Variants in ETV6 observed in about 807,000 individuals in gnomAD.
The protein encoded by ETV6 is ETS variant transcription factor 6, also known as transcription factor ETV6.
ETV6 carries 16 observed loss-of-function variants against 51.1 expected under a neutral mutation model. That is an observed-to-expected ratio of 0.31 (90% CI 0.21 to 0.48). The LOEUF (loss-of-function observed/expected upper bound fraction) is 0.48, where lower values mean the gene tolerates loss of function less well. Ranked by LOEUF, ETV6 falls within the 20% of genes least tolerant of loss-of-function variation. The probability of loss-of-function intolerance (pLI) is 0.99; values close to 1 mark genes in which losing one functional copy is unlikely to be tolerated. For synonymous variants in ETV6, 240 were observed against 224.1 expected, an observed-to-expected ratio of 1.07 and a Z score of -0.64; for missense variants, 458 against 594.8, an observed-to-expected ratio of 0.77 and a Z score of 2.39.
In ETV6 at chr12:11,890,979, C is replaced by CAG. The variant is rs773713701; in HGVS notation, c.1294_1295dup (p.Asp432GlufsTer7). ...CCAGATGAAATCATGAGTGGCCGAA[C>CAG]AGACCGTCTGGAGCACCTAGAGTCC... On this transcript the variant is annotated frameshift_variant, in exon 8 of 8. Coordinates refer to ENST00000396373, the MANE Select transcript of ETV6 (RefSeq NM_001987.5). LOFTEE classifies it high-confidence loss of function. 1 of 1,613,904 alleles carries CAG rather than the reference C, an allele frequency of 6.2e-7. No individual in the cohort carries two copies. The highest frequency in any genetic ancestry group is 1.3e-5 in the African/African-American group (1 of 75,018).
rs112328917 is a variant in ETV6 at position 11,882,496 on chromosome 12, C to T, written c.1010-1949C>T. Among the ~76,000 whole-genome samples, 416 of 152,314 alleles carry T rather than the reference C, an allele frequency of 2.7e-3. 5 individuals are homozygous for T. Among genetic ancestry groups the T allele is most frequent in the African/African-American group, 9.4e-3 (390 of 41,568 alleles). On this transcript the variant is annotated intron_variant, in intron 5 of 7. Transcript: ENST00000396373. ...AATCATCAAACCCTCTCAGCCCCAG[C>T]TTCCTGATCTATAAAATAGGAATAG...
intron 1 of ETV6, among the ~76,000 whole-genome samples, chr12:11,679,665 C>G (rs567978011): frequency 9.5e-4 from 145 of 152,320 alleles, no homozygotes; most frequent in African/African-American, 3.1e-3. Context: ...TCTTGTCACT[C>G]TCTTCTCTCC....
intron 1 of ETV6, among the ~76,000 whole-genome samples, chr12:11,662,539 T>C (rs1224820650): frequency 6.6e-6 from 1 of 152,232 alleles, no homozygotes; most frequent in African/African-American, 2.4e-5. Flanking sequence ...AGTTGGTCTG[T>C]GTACATTTTC....
chr12:11,840,845 G>A (rs1483169826), intron 3 of ETV6: 2 of 230,922 alleles, frequency 8.7e-6, no homozygotes, highest in Non-Finnish European at 1.8e-5. Flanking sequence ...AAACAACCAT[G>A]TAAATAAATC....
intron 1 of ETV6, among the ~76,000 whole-genome samples, chr12:11,683,440 A>T (rs1178939178): frequency 6.6e-6 from 1 of 152,250 alleles, no homozygotes; most frequent in Non-Finnish European, 1.5e-5. Context: ...ATGGTAGATA[A>T]GACATTGAAA....
At chr12:11,697,649 A>T (rs562467127) in intron 1 of ETV6, among the ~76,000 whole-genome samples, 11 of 152,340 alleles carry the variant, frequency 7.2e-5, no homozygotes, top group African/African-American at 2.6e-4. Flanking sequence ...GATACTGATA[A>T]AAGGGCAGGG....
At chr12:11,728,980 A>G (rs1406217774) in intron 1 of ETV6, among the ~76,000 whole-genome samples, 1 of 152,244 alleles carries the variant, frequency 6.6e-6, no homozygotes, top group Admixed American at 6.5e-5. Context: ...TCAAAATGAT[A>G]ATATGTACTA....
Position 11,892,210 on chromosome 12 carries a change from A to ATTTTT in ETV6, c.*1183_*1187dup, listed in dbSNP as rs35812814. 11 of 153,556 alleles carry ATTTTT rather than the reference A, an allele frequency of 7.2e-5. No individual in the cohort carries two copies. Among genetic ancestry groups the ATTTTT allele is most frequent in the Admixed American group, 2.1e-4 (2 of 9,312 alleles). 9.5% of individuals were successfully genotyped at this position (153,556 alleles called of 1,614,324 possible). On this transcript the variant is annotated 3_prime_UTR_variant, in exon 8 of 8. Transcript: ENST00000396373. ...GTGGTCAGTTTCATGCCCTCACCTG[A>ATTTTT]TTTTTTTTTTTTTTTTTTTTTTTCA...
At chr12:11,812,908 G>A (rs1945935315) in intron 2 of ETV6, among the ~76,000 whole-genome samples, 1 of 152,208 alleles carries the variant, frequency 6.6e-6, no homozygotes, top group South Asian at 2.1e-4. Context: ...TATCCTCATA[G>A]CTTAGTGATT....
At chr12:11,749,288 TACACACACACAC>T (rs761925697) in intron 1 of ETV6, among the ~76,000 whole-genome samples, 3,482 of 122,878 alleles carry the variant, frequency 0.028, 85 homozygotes, top group Middle Eastern at 0.053. Flanking sequence ...ATCCCCCCCA[TACACACACACAC>T]ACACACACAC....
rs199800905 is a variant in ETV6, at chr12:11,884,606, T to C, written c.1152+19T>C. 9 of 1,613,578 alleles carry C rather than the reference T, an allele frequency of 5.6e-6. No homozygotes were observed. Among genetic ancestry groups the C allele is most frequent in the Non-Finnish European group, 7.6e-6 (9 of 1,179,880 alleles). On this transcript the variant is annotated intron_variant, in intron 6 of 7. Transcript: ENST00000396373. ...CCATAAGGTAAAAGGGCAGCAGATA[T>C]CTGCTCCATAAACTAGTGCCAAAAT... is the stretch of plus-strand genomic sequence containing the variant.
At chr12:11,749,350 C>CA (rs1865977172) in intron 1 of ETV6, among the ~76,000 whole-genome samples, 2 of 137,448 alleles carry the variant, frequency 1.5e-5, no homozygotes, top group African/African-American at 5.4e-5. Context: ...CACACACACA[C>CA]CCCTACTCCC....
At chr12:11,788,927 A>G (rs1311579462) in intron 2 of ETV6, among the ~76,000 whole-genome samples, 1 of 152,092 alleles carries the variant, frequency 6.6e-6, no homozygotes, top group Non-Finnish European at 1.5e-5. Flanking sequence ...TATAAGTGCC[A>G]TTTGAAGCTG....
chr12:11,887,464 C>T lies in ETV6; in HGVS notation c.1253+1438C>T, dbSNP rs566569708. 7.2e-5 allele frequency among the ~76,000 whole-genome samples: 11 copies of T among 152,220 alleles called. 1 individual carries two copies. In the East Asian group the frequency reaches 1.9e-3, roughly 27 times the overall value. On this transcript the variant is annotated intron_variant, in intron 7 of 7. Transcript: ENST00000396373. ...CTTGTCTCGGATTAGAAATTCCACCCAGAGGCCGGGCATGATGGCTCACAC... is the reference window on the plus strand; with the variant it reads ...CTTGTCTCGGATTAGAAATTCCACCTAGAGGCCGGGCATGATGGCTCACAC...
At chr12:11,762,521 G>A (rs546830278) in intron 2 of ETV6, among the ~76,000 whole-genome samples, 5 of 152,270 alleles carry the variant, frequency 3.3e-5, no homozygotes, top group Admixed American at 6.5e-5. Flanking sequence ...AGCCGGCTCC[G>A]TAGCACATGC....
intron 2 of ETV6, among the ~76,000 whole-genome samples, chr12:11,812,417 T>C (rs933203878): frequency 1.3e-5 from 2 of 152,180 alleles, no homozygotes; most frequent in African/African-American, 2.4e-5. Flanking sequence ...CCACAAATTA[T>C]AGCAACCAAT....
At chr12:11,799,308 C>T (rs1053112754) in intron 2 of ETV6, among the ~76,000 whole-genome samples, 2 of 152,162 alleles carry the variant, frequency 1.3e-5, no homozygotes, top group African/African-American at 2.4e-5. Context: ...ACAGCCTTCC[C>T]GGTGCTTTCC....
chr12:11,891,676 C>G lies in ETV6; in HGVS notation c.*630C>G, dbSNP rs1454545239. 2 of 505,252 alleles carry G rather than the reference C, an allele frequency of 4.0e-6. No individual in the cohort carries two copies. Among genetic ancestry groups the G allele is most frequent in the Non-Finnish European group, 7.6e-6 (2 of 263,366 alleles). The allele number at this position is 505,252 out of a possible 1,614,324, so 31.3% of individuals were successfully genotyped here. ...TTTCTCTCTCTTGCTCTGTTCTTCC[C>G]TTGGTCCCCTCTGTCCTCCCGCCCT... is the stretch of plus-strand genomic sequence containing the variant. On this transcript the variant is annotated 3_prime_UTR_variant, in exon 8 of 8. Transcript: ENST00000396373.
At chr12:11,842,948 G>C (rs1946411732) in intron 3 of ETV6, among the ~76,000 whole-genome samples, 1 of 152,192 alleles carries the variant, frequency 6.6e-6, no homozygotes, top group Non-Finnish European at 1.5e-5. Flanking sequence ...AAGAAAACTT[G>C]TCCTGATCTG....
Sources: allele counts gnomAD v4.1 joint callset (sites outside exome capture counted in the v4.1 genomes callset), GRCh38; gene constraint gnomAD v4.1.1; transcripts MANE v1.5; gene names NCBI Gene and HGNC (gene_info 2026-07-23, HGNC 2026-07-21).